The following GRM7 variants were observed in gnomAD, a reference collection of about 807,000 sequenced individuals.
GRM7 encodes glutamate metabotropic receptor 7.
In GRM7, 35 loss-of-function variants were observed where a neutral mutation model predicts 84.5. The ratio of observed to expected loss-of-function variants is 0.41; its 90% CI spans 0.32 to 0.55. The LOEUF (loss-of-function observed/expected upper bound fraction) is 0.55, where lower values mean the gene tolerates loss of function less well. Ranked by LOEUF, GRM7 falls within the 20% of genes least tolerant of loss-of-function variation. The pLI is 0.19. For missense variants in GRM7, 1,003 were observed against 1,194.6 expected, an observed-to-expected ratio of 0.84 and a Z score of 2.36; for synonymous variants, 487 against 455.1, an observed-to-expected ratio of 1.07 and a Z score of -0.89.
Position 7,282,734 on chromosome 3 carries a change from G to A in GRM7, c.737-15950G>A, listed in dbSNP as rs913082862. Reference sequence around the variant, plus strand: ...ATTAAGATTGTGTTTTTTTTGCAGTGCTTCTCAAAATGTTTAATATATTAA... The same window carrying A: ...ATTAAGATTGTGTTTTTTTTGCAGTACTTCTCAAAATGTTTAATATATTAA... On this transcript the variant is annotated intron_variant, in intron 2 of 9. Transcript: ENST00000357716. Among the ~76,000 whole-genome samples, 8 of 151,934 alleles carry A rather than the reference G, an allele frequency of 5.3e-5. No individual in the cohort carries two copies. In the East Asian group the frequency reaches 1.5e-3, roughly 29 times the overall value.
rs577557108 is a variant in GRM7, at chr3:7,516,805, C to A, written c.1515+55083C>A. ...ACCTGACTCTGCTTCTGCTGATGAC[C>A]AAGCATTTTAGCATTTTTTCATTTA... On this transcript the variant is annotated intron_variant, in intron 7 of 9. Coordinates refer to ENST00000357716, the MANE Select transcript of GRM7 (RefSeq NM_000844.4). Among the ~76,000 whole-genome samples, 10 of 152,304 alleles carry A rather than the reference C, an allele frequency of 6.6e-5. No homozygotes were observed. The East Asian group carries it at 1.9e-3, about 29-fold the overall frequency.
chr3:7,601,769 G>T (rs1696322971), intron 8 of GRM7, among the ~76,000 whole-genome samples: 1 of 152,018 alleles, frequency 6.6e-6, no homozygotes, highest in Non-Finnish European at 1.5e-5. Flanking sequence ...GTACCTCTTT[G>T]TTTTGGTCTG....
intron 1 of GRM7, among the ~76,000 whole-genome samples, chr3:7,006,049 G>T (rs1203044015): frequency 1.3e-5 from 2 of 152,122 alleles, no homozygotes; most frequent in Non-Finnish European, 2.9e-5. Flanking sequence ...AAAATGGGAT[G>T]CTGTAATCAA....
chr3:7,070,346 A>T (rs1375955030), intron 1 of GRM7, among the ~76,000 whole-genome samples: 1 of 152,072 alleles, frequency 6.6e-6, no homozygotes, highest in East Asian at 1.9e-4. Flanking sequence ...ACCTGCTCTC[A>T]ATGTTGTAGT....
At chr3:7,048,768 G>C (rs1696887837) in intron 1 of GRM7, among the ~76,000 whole-genome samples, 1 of 151,890 alleles carries the variant, frequency 6.6e-6, no homozygotes, top group African/African-American at 2.4e-5. Flanking sequence ...CAATTTTCAA[G>C]ATTATAATAC....
chr3:7,686,556 G>A (rs1180731622), intron 9 of GRM7: 31 of 603,334 alleles, frequency 5.1e-5, no homozygotes, highest in African/African-American at 1.9e-5. Context: ...ATATCTATAG[G>A]AAGAAATGAA....
At chr3:7,098,811 A>T (rs967714550) in intron 1 of GRM7, among the ~76,000 whole-genome samples, 3 of 151,938 alleles carry the variant, frequency 2.0e-5, no homozygotes, top group Admixed American at 6.6e-5. Context: ...ATGTCAGGTT[A>T]TGCGTCTGAT....
chr3:6,925,145 G>A (rs552469264), intron 1 of GRM7, among the ~76,000 whole-genome samples: 5 of 152,190 alleles, frequency 3.3e-5, no homozygotes, highest in African/African-American at 7.2e-5. Flanking sequence ...ATCCCTCATC[G>A]TATAATCATG....
intron 1 of GRM7, among the ~76,000 whole-genome samples, chr3:7,088,426 G>C (rs1193036239): frequency 1.3e-5 from 2 of 152,022 alleles, no homozygotes; most frequent in Non-Finnish European, 2.9e-5. Context: ...TGGGTTGTAA[G>C]TGGAATTTTT....
intron 5 of GRM7, among the ~76,000 whole-genome samples, chr3:7,437,816 G>A (rs1288323835): frequency 6.6e-6 from 1 of 152,116 alleles, no homozygotes; most frequent in East Asian, 1.9e-4. Flanking sequence ...CTAGGGGCAA[G>A]TAGGGAAATT....
In GRM7 at chr3:7,420,347, T is replaced by C. The variant is rs184860454; in HGVS notation, c.1174+5184T>C. Among the ~76,000 whole-genome samples the C allele has an allele frequency of 1.8e-4, 28 of 152,260 alleles. No individual in the cohort carries two copies. The East Asian group carries it at 5.2e-3, about 28-fold the overall frequency. On this transcript the variant is annotated intron_variant, in intron 5 of 9. Coordinates refer to ENST00000357716, the MANE Select transcript of GRM7 (RefSeq NM_000844.4). ...TGACCTTTAATTGTCACAAAGATGT[T>C]TTATTGCAGCACCTAATTTACTTAA... is the stretch of plus-strand genomic sequence containing the variant.
chr3:7,026,737 T>C (rs962400850), intron 1 of GRM7, among the ~76,000 whole-genome samples: 2 of 152,234 alleles, frequency 1.3e-5, no homozygotes, highest in Non-Finnish European at 2.9e-5. Context: ...ACTCTGCTAG[T>C]GTAAATACCT....
Position 7,081,924 on chromosome 3 carries a change from C to A in GRM7, c.520-64528C>A, listed in dbSNP as rs144607102. Among the ~76,000 whole-genome samples the A allele has an allele frequency of 5.2e-4, 79 of 152,022 alleles. 1 individual carries two copies. The highest frequency in any genetic ancestry group is 1.8e-3 in the African/African-American group (74 of 41,500). The stretch of plus-strand genomic sequence containing the variant: ...AGGCTGAAAGAAGTGAGAGAGCTAC[C>A]GAAGGAAAGTTTGGAGCTAGCAGGA... On this transcript the variant is annotated intron_variant, in intron 1 of 9. Transcript: ENST00000357716.
intron 2 of GRM7, among the ~76,000 whole-genome samples, chr3:7,208,460 C>T (rs1311908464): frequency 6.6e-6 from 1 of 152,146 alleles, no homozygotes; most frequent in Non-Finnish European, 1.5e-5. Flanking sequence ...TTGGTTTTCT[C>T]ATCTGCGGGA....
chr3:6,873,115 G>A (rs35266312), intron 1 of GRM7, among the ~76,000 whole-genome samples: 7 of 152,066 alleles, frequency 4.6e-5, no homozygotes, highest in East Asian at 3.9e-4. Context: ...GCTCTGTCAC[G>A]CCCTGGAGTG....
intron 7 of GRM7, among the ~76,000 whole-genome samples, chr3:7,479,816 C>T (rs1035788257): frequency 6.6e-6 from 1 of 152,102 alleles, no homozygotes; most frequent in Non-Finnish European, 1.5e-5. Flanking sequence ...CTGTAGTTCA[C>T]AGTCATAACT....
intron 7 of GRM7, among the ~76,000 whole-genome samples, chr3:7,465,081 G>A (rs1197372303): frequency 6.6e-6 from 1 of 152,142 alleles, no homozygotes; most frequent in Non-Finnish European, 1.5e-5. Flanking sequence ...CAGAGAATTG[G>A]GCTAACCATA....
In GRM7 at chr3:7,680,192, G is replaced by A. The variant is rs150447178; in HGVS notation, c.2595G>A (p.Ala865=). The A allele has an allele frequency of 7.4e-5, 120 of 1,614,022 alleles. No individual in the cohort carries two copies. Among genetic ancestry groups the A allele is most frequent in the Middle Eastern group, 4.9e-4 (3 of 6,084 alleles). Reference sequence around the variant, plus strand: ...AGAAACGGAAGCGAAGCTTCAAGGCGGTAGTCACAGCAGCCACCATGTCAT... The same window carrying A: ...AGAAACGGAAGCGAAGCTTCAAGGCAGTAGTCACAGCAGCCACCATGTCAT... The part of the protein sequence containing the change: ...NVQKRKRSFK[A]VVTAATMSSR... The change falls in exon 9 of 10, where the codon GCG becomes GCA. Residue 865 remains alanine, a synonymous_variant. Coordinates refer to ENST00000357716, the MANE Select transcript of GRM7 (RefSeq NM_000844.4).
At chr3:7,266,695 GA>G (rs1698654418) in intron 2 of GRM7, among the ~76,000 whole-genome samples, 1 of 151,974 alleles carries the variant, frequency 6.6e-6, no homozygotes, top group African/African-American at 2.4e-5. Flanking sequence ...CTATAACCCA[GA>G]AAAACATTTA....
Sources: allele counts gnomAD v4.1 joint callset (sites outside exome capture counted in the v4.1 genomes callset), GRCh38; gene constraint gnomAD v4.1.1; transcripts MANE v1.5; gene names NCBI Gene and HGNC (gene_info 2026-07-23, HGNC 2026-07-21).